CACUL1: variants seen among roughly 807,000 people sequenced by gnomAD.
CACUL1 encodes CDK2-associated and cullin domain-containing protein 1.
CACUL1 carries 13 observed loss-of-function variants against 45.2 expected under a neutral mutation model. The observed-to-expected ratio is 0.29, with a 90% CI of 0.19 to 0.46. The LOEUF is 0.46. Ranked by LOEUF, CACUL1 falls within the 20% of genes least tolerant of loss-of-function variation. CACUL1 has a pLI of 1.00. For missense variants in CACUL1, 421 were observed against 471.4 expected (o/e 0.89, Z 0.99); for synonymous variants, 197 against 174.2 (o/e 1.13, Z -1.03).
chr10:118,720,563 CA>C (rs1237426840), intron 3 of CACUL1, among the ~76,000 whole-genome samples: 1 of 152,098 alleles, frequency 6.6e-6, no homozygotes, highest in African/African-American at 2.4e-5. Context: ...CAAATGCAAA[CA>C]GCTATTATTT....
intron 5 of CACUL1, 134 bp downstream of exon 5, chr10:118,701,172 T>G (rs996605632): frequency 3.5e-5 from 17 of 482,034 alleles, no homozygotes; most frequent in Non-Finnish European, 5.5e-5. Context: ...CAGGTGGGCT[T>G]CAACACTTCC....
chr10:118,707,564 A>G lies in CACUL1; in HGVS notation c.621T>C (p.Ile207=). Residue 207 remains isoleucine (I), a synonymous_variant, in exon 4 of 9, where the codon ATT becomes ATC. Coordinates refer to ENST00000369151, the MANE Select transcript of CACUL1 (RefSeq NM_153810.5). Reference sequence around the variant, plus strand: ...GTCCAAGAGCTATATTAAATCTTTCAATATAGAGATCTGGAGGGCTGGCCT... The same window carrying G: ...GTCCAAGAGCTATATTAAATCTTTCGATATAGAGATCTGGAGGGCTGGCCT... ...ELQASPPDLY[I]ERFNIALGQY... The G allele has an allele frequency of 6.4e-7, 1 of 1,571,586 alleles. No individual in the cohort carries two copies.
At position 118,679,878 on chromosome 10, in the gene CACUL1, T is replaced by A. The variant is rs1845137279; in HGVS notation, c.*6250A>T. The A allele has an allele frequency of 6.6e-6, 1 of 152,210 alleles. No homozygotes were observed. The highest frequency in any genetic ancestry group is 1.5e-5 in the Non-Finnish European group (1 of 68,066). 9.4% of individuals were successfully genotyped at this position (152,210 alleles called of 1,614,324 possible). A position where few individuals can be genotyped will look rare whatever the true frequency, so the allele number is the denominator to read the frequency against. ...CTGTGTTACCCAGGCTGGTCTCAAA[T>A]CCTGGCTTCAAGCAATCTTCCCACC... On this transcript the variant is annotated 3_prime_UTR_variant, in exon 9 of 9. Transcript: ENST00000369151.
intron 1 of CACUL1, among the ~76,000 whole-genome samples, chr10:118,740,798 C>T (rs564886849): frequency 3.3e-5 from 5 of 151,212 alleles, no homozygotes; most frequent in South Asian, 2.1e-4. Flanking sequence ...TGGTGGCAGG[C>T]GCCTGTAGTC....
chr10:118,736,037 T>C (rs1845737985), intron 1 of CACUL1, among the ~76,000 whole-genome samples: 1 of 152,190 alleles, frequency 6.6e-6, no homozygotes, highest in African/African-American at 2.4e-5. Context: ...TAAATCTGCC[T>C]GAATGTTCCA....
chr10:118,702,568 A>C (rs1045497397), intron 4 of CACUL1, among the ~76,000 whole-genome samples: 2 of 134,870 alleles, frequency 1.5e-5, no homozygotes, highest in African/African-American at 5.5e-5. Context: ...CTGGCAAGTC[A>C]AAGTTTTTCT....
Position 118,680,032 on chromosome 10 carries a change from T to C in CACUL1, c.*6096A>G, listed in dbSNP as rs1293860204. 2.6e-5 allele frequency: 4 copies of C among 151,970 alleles called. No homozygotes were observed. Among genetic ancestry groups the C allele is most frequent in the African/African-American group, 9.7e-5 (4 of 41,356 alleles). The allele number at this position is 151,970 out of a possible 1,614,324, so 9.4% of individuals were successfully genotyped here. On this transcript the variant is annotated 3_prime_UTR_variant, in exon 9 of 9. Transcript: ENST00000369151. ...GTTATGCCCTTCTGGCTTAACAATT[T>C]AGGGAGGGAGAGGGCTTAATAAAGG...
intron 3 of CACUL1, among the ~76,000 whole-genome samples, chr10:118,719,025 GCA>G (rs935791419): frequency 6.6e-6 from 1 of 152,144 alleles, no homozygotes; most frequent in African/African-American, 2.4e-5. Flanking sequence ...CATTCAACAT[GCA>G]CAGAGATGTC....
intron 4 of CACUL1, among the ~76,000 whole-genome samples, chr10:118,701,929 G>A (rs1181901626): frequency 6.6e-6 from 1 of 152,174 alleles, no homozygotes; most frequent in African/African-American, 2.4e-5. Context: ...AAATTGTGGT[G>A]TGAGGGAAAA....
In CACUL1 at chr10:118,730,362, T is replaced by G. The variant is rs749071283; in HGVS notation, c.416A>C (p.Lys139Thr). The G allele has an allele frequency of 5.0e-6, 8 of 1,613,848 alleles. No individual in the cohort carries two copies. Among genetic ancestry groups the G allele is most frequent in the Non-Finnish European group, 6.8e-6 (8 of 1,179,722 alleles). ...IEDYKSTYWP[K>T]LDGAIDQLLT... ...AAGTTGATCTATGGCACCATCCAAT[T>G]TTGGCCAGTATGTGCTCTTATAATC... The change falls in exon 2 of 9, where the codon AAA becomes ACA. Residue 139 changes from lysine to threonine, a missense_variant. By Grantham distance (78) the Lys-to-Thr change is moderately conservative (BLOSUM62 -1). Around this residue, in one of 2 missense-constraint regions of CACUL1, gnomAD observed 208 missense variants for 298.4 expected, o/e 0.70. Transcript: ENST00000369151.
chr10:118,706,378 C>T lies in CACUL1; in HGVS notation c.693+1114G>A, dbSNP rs1188855812. On this transcript the variant is annotated intron_variant, in intron 4 of 8. Transcript: ENST00000369151. ...ACTTTAAACAGCAAGAATAAGGAGT[C>T]GGCTCGCACGGAAATAAAATGTTTG... Among the ~76,000 whole-genome samples the T allele has an allele frequency of 3.9e-5, 6 of 152,082 alleles. No individual in the cohort carries two copies. In the East Asian group the frequency reaches 9.6e-4, roughly 24 times the overall value.
At chr10:118,703,007 T>C (rs1288469227) in intron 4 of CACUL1, among the ~76,000 whole-genome samples, 4 of 152,204 alleles carry the variant, frequency 2.6e-5, no homozygotes, top group African/African-American at 9.7e-5. Context: ...GTGTTTCAAT[T>C]GCCCAGGCTG....
At chr10:118,751,205 A>G (rs1315574900) in intron 1 of CACUL1, among the ~76,000 whole-genome samples, 4 of 152,112 alleles carry the variant, frequency 2.6e-5, no homozygotes, top group Non-Finnish European at 4.4e-5. Flanking sequence ...GGCACTGTAA[A>G]TATCTTCTCT....
chr10:118,735,341 T>C (rs1845730678), intron 1 of CACUL1, among the ~76,000 whole-genome samples: 1 of 152,252 alleles, frequency 6.6e-6, no homozygotes, highest in Non-Finnish European at 1.5e-5. Flanking sequence ...AATTCATACT[T>C]GGTCTACTGC....
rs1322010535 is a variant in CACUL1, at chr10:118,676,781, T to G, written c.*9347A>C. 6.6e-6 allele frequency: 1 copy of G among 152,154 alleles called. No homozygotes were observed. 9.4% of individuals were successfully genotyped at this position (152,154 alleles called of 1,614,324 possible). On this transcript the variant is annotated 3_prime_UTR_variant, in exon 9 of 9. Coordinates refer to ENST00000369151, the MANE Select transcript of CACUL1 (RefSeq NM_153810.5). ...ATCTTTTTGATTTTCTACTTTTGCT[T>G]TATATGTATTGGTAACATATGTTCA... is the stretch of plus-strand genomic sequence containing the variant.
rs1475159605 is a variant in CACUL1 at position 118,754,259 on chromosome 10, G to A, written c.367+137C>T. The A allele has an allele frequency of 3.1e-6, 4 of 1,305,362 alleles. No individual in the cohort carries two copies. The East Asian group carries it at 8.5e-5, about 28-fold the overall frequency. The allele number at this position is 1,305,362 out of a possible 1,614,324, so 80.9% of individuals were successfully genotyped here. A position where few individuals can be genotyped will look rare whatever the true frequency, so the allele number is the denominator to read the frequency against. The stretch of plus-strand genomic sequence containing the variant: ...GGACGGTGAGGGGGAAGGAGGCAGG[G>A]AGGCGAAGGCGGACGGGGAGAAGAG... On this transcript the variant is annotated intron_variant, in intron 1 of 8. Coordinates refer to ENST00000369151, the MANE Select transcript of CACUL1 (RefSeq NM_153810.5).
rs1845717325 is a variant in CACUL1, at chr10:118,733,643, T to G, written c.368-3233A>C. ...TCAGAGTGTGTGTGTAATCTTGAAC[T>G]TAAAAACTAGATCCTCTTGTTAAGA... On this transcript the variant is annotated intron_variant, in intron 1 of 8. Coordinates refer to ENST00000369151, the MANE Select transcript of CACUL1 (RefSeq NM_153810.5). Among the ~76,000 whole-genome samples, 3 of 152,190 alleles carry G rather than the reference T, an allele frequency of 2.0e-5. No homozygotes were observed. The South Asian group carries it at 6.2e-4, about 31-fold the overall frequency.
intron 1 of CACUL1, among the ~76,000 whole-genome samples, chr10:118,739,751 A>C (rs1291617899): frequency 6.6e-6 from 1 of 152,262 alleles, no homozygotes; most frequent in Non-Finnish European, 1.5e-5. Flanking sequence ...CAAGAGGACT[A>C]ACAGCTTCAC....
At chr10:118,716,102 C>G (rs9703865) in intron 3 of CACUL1, among the ~76,000 whole-genome samples, 111,235 of 151,592 alleles carry the variant, frequency 0.73, 40,946 homozygotes, top group Admixed American at 0.76. Context: ...CGTGGTGGCA[C>G]GCGCCTGTAG....
Sources: allele counts gnomAD v4.1 joint callset (sites outside exome capture counted in the v4.1 genomes callset), GRCh38; gene constraint gnomAD v4.1.1; regional missense constraint gnomAD v4.1.1; transcripts MANE v1.5; gene names NCBI Gene and HGNC (gene_info 2026-07-23, HGNC 2026-07-21).